Variants in LAMA2 observed in about 807,000 individuals in gnomAD.
LAMA2 encodes laminin subunit alpha 2.
In LAMA2, 269 loss-of-function variants were observed where a neutral mutation model predicts 364.8. The ratio of observed to expected loss-of-function variants is 0.74; its 90% CI spans 0.67 to 0.82. The LOEUF (loss-of-function observed/expected upper bound fraction) is 0.82. LAMA2 is among the 40% of genes least tolerant of loss of function. LAMA2 has a pLI of 0.00. For missense variants in LAMA2, 3,807 were observed against 3,873.2 expected (o/e 0.98, Z 0.45); for synonymous variants, 1,379 against 1,370.6 (o/e 1.01, Z -0.14).
chr6:129,285,547 A>T (rs941579073), intron 18 of LAMA2, among the ~76,000 whole-genome samples: 8 of 152,252 alleles, frequency 5.3e-5, no homozygotes, highest in Admixed American at 2.0e-4. Flanking sequence ...GCAGTAACTC[A>T]TCTTGAGGAA....
chr6:129,219,922 A>G (rs1363248852), intron 12 of LAMA2, among the ~76,000 whole-genome samples: 2 of 151,682 alleles, frequency 1.3e-5, no homozygotes, highest in South Asian at 2.1e-4. Context: ...ATACATATGT[A>G]ACTAACTGGC....
intron 58 of LAMA2, among the ~76,000 whole-genome samples, chr6:129,498,958 C>T (rs1038677613): frequency 2.6e-5 from 4 of 152,164 alleles, no homozygotes; most frequent in East Asian, 3.8e-4. Flanking sequence ...GTTTTGGCCC[C>T]GTTACCAATT....
chr6:128,915,519 T>C (rs1235826463), intron 1 of LAMA2, among the ~76,000 whole-genome samples: 11 of 152,214 alleles, frequency 7.2e-5, no homozygotes, highest in Non-Finnish European at 1.3e-4. Flanking sequence ...ACCAGCAGTT[T>C]ACCACAAGCC....
chr6:129,281,950 T>G (rs543723319), intron 18 of LAMA2, among the ~76,000 whole-genome samples: 1 of 152,160 alleles, frequency 6.6e-6, no homozygotes, highest in Non-Finnish European at 1.5e-5. Context: ...GGAAACATTT[T>G]TTGTTTGAGA....
chr6:129,311,960 A>G (rs1583467877), intron 22 of LAMA2, among the ~76,000 whole-genome samples: 1 of 152,352 alleles, frequency 6.6e-6, no homozygotes, highest in Middle Eastern at 3.4e-3. Flanking sequence ...ATTGCAGAAG[A>G]CATTAGGATA....
Position 129,157,421 on chromosome 6 carries a change from T to C in LAMA2, c.1206+2738T>C, listed in dbSNP as rs1779178221. On this transcript the variant is annotated intron_variant, in intron 8 of 64. Transcript: ENST00000421865. ...CTGTGAACACGTAGTGAAGAAAGAG[T>C]CTGAGAACCAAGTTAACATCCTTAT... 5 of 1,388,496 alleles carry C rather than the reference T, an allele frequency of 3.6e-6. No individual in the cohort carries two copies. In the East Asian group the frequency reaches 1.1e-4, roughly 32 times the overall value. The allele number at this position is 1,388,496 out of a possible 1,614,324, so 86.0% of individuals were successfully genotyped here.
chr6:129,226,632 TTTTC>T (rs1784301272), intron 12 of LAMA2, among the ~76,000 whole-genome samples: 2 of 152,162 alleles, frequency 1.3e-5, no homozygotes, highest in Admixed American at 1.3e-4. Context: ...TTGAAAATTC[TTTTC>T]TTTAAGAATG....
At chr6:129,421,325 C>G (rs192921846) in intron 40 of LAMA2, among the ~76,000 whole-genome samples, 1 of 151,260 alleles carries the variant, frequency 6.6e-6, no homozygotes, top group Non-Finnish European at 1.5e-5. Context: ...ACTTGTATAT[C>G]CATATGTATG....
intron 3 of LAMA2, among the ~76,000 whole-genome samples, chr6:129,087,098 C>G (rs539062185): frequency 2.0e-5 from 3 of 152,242 alleles, no homozygotes; most frequent in Admixed American, 1.3e-4. Flanking sequence ...AGGTCTTTAA[C>G]TGAATCATAT....
intron 4 of LAMA2, among the ~76,000 whole-genome samples, chr6:129,108,358 G>C (rs1775953638): frequency 6.6e-6 from 1 of 152,054 alleles, no homozygotes; most frequent in African/African-American, 2.4e-5. Context: ...AATTTTTAAA[G>C]TGACTTTTTG....
intron 3 of LAMA2, among the ~76,000 whole-genome samples, chr6:129,076,305 A>C (rs1773627629): frequency 6.6e-6 from 1 of 151,242 alleles, no homozygotes; most frequent in Non-Finnish European, 1.5e-5. Flanking sequence ...ATCAAGAAAG[A>C]GGGAATCTTC....
chr6:129,163,171 C>G (rs148528579), intron 8 of LAMA2, among the ~76,000 whole-genome samples: 1 of 151,624 alleles, frequency 6.6e-6, no homozygotes, highest in African/African-American at 2.4e-5. Flanking sequence ...GTTTTTCCTT[C>G]TCTTTCTAGG....
intron 1 of LAMA2, among the ~76,000 whole-genome samples, chr6:128,933,133 A>G (rs372114394): frequency 2.0e-5 from 3 of 152,122 alleles, no homozygotes; most frequent in African/African-American, 7.2e-5. Context: ...ACCTAGCACA[A>G]TGCCCTTCAG....
chr6:129,164,824 C>T (rs1161212424), intron 8 of LAMA2, among the ~76,000 whole-genome samples: 1 of 152,064 alleles, frequency 6.6e-6, no homozygotes, highest in Non-Finnish European at 1.5e-5. Context: ...TTGTGAATTG[C>T]AGTTTAACAG....
intron 32 of LAMA2, among the ~76,000 whole-genome samples, chr6:129,363,406 ATT>A (rs1161970888): frequency 1.3e-5 from 2 of 151,626 alleles, no homozygotes; most frequent in Non-Finnish European, 2.9e-5. Context: ...AGGCATCTGT[ATT>A]TTATAAATGT....
chr6:129,209,783 A>T (rs952767967), intron 12 of LAMA2, among the ~76,000 whole-genome samples: 1 of 151,738 alleles, frequency 6.6e-6, no homozygotes, highest in Non-Finnish European at 1.5e-5. Flanking sequence ...GCGGGCGGAT[A>T]ACGAGGTCAG....
chr6:128,883,180 G>T lies in LAMA2; in HGVS notation c.-66G>T. 1 of 1,453,676 alleles carries T rather than the reference G, an allele frequency of 6.9e-7. No homozygotes were observed. The highest frequency in any genetic ancestry group is 9.4e-7 in the Non-Finnish European group (1 of 1,067,024). The allele number at this position is 1,453,676 out of a possible 1,614,324, so 90.0% of individuals were successfully genotyped here. A position where few individuals can be genotyped will look rare whatever the true frequency, so the allele number is the denominator to read the frequency against. On this transcript the variant is annotated 5_prime_UTR_variant, in exon 1 of 65. Coordinates refer to ENST00000421865, the MANE Select transcript of LAMA2 (RefSeq NM_000426.4). Reference sequence around the variant, plus strand: ...CTGCTCGCTCAGCTCACAAGCCAAGGCCAGGGGACAGGGCGGCAGCGACTC... The same window carrying T: ...CTGCTCGCTCAGCTCACAAGCCAAGTCCAGGGGACAGGGCGGCAGCGACTC...
chr6:129,006,934 T>G lies in LAMA2; in HGVS notation c.113-42984T>G, dbSNP rs149448324. ...TCTCTTCTCCTAAACCTCACCATATTTGCATGGGTAACATGTCCTCACCTT... is the reference window on the plus strand; with the variant it reads ...TCTCTTCTCCTAAACCTCACCATATGTGCATGGGTAACATGTCCTCACCTT... On this transcript the variant is annotated intron_variant, in intron 1 of 64. Coordinates refer to ENST00000421865, the MANE Select transcript of LAMA2 (RefSeq NM_000426.4). 1.9e-3 allele frequency among the ~76,000 whole-genome samples: 282 copies of G among 152,210 alleles called. 2 individuals are homozygous for G. The highest frequency in any genetic ancestry group is 6.5e-3 in the African/African-American group (268 of 41,540).
At position 129,139,661 on chromosome 6, in the gene LAMA2, T is replaced by A. The variant is rs376897100; in HGVS notation, c.640-4240T>A. 6.0e-3 allele frequency among the ~76,000 whole-genome samples: 912 copies of A among 152,124 alleles called. 7 individuals carry two copies. Among genetic ancestry groups the A allele is most frequent in the African/African-American group, 0.021 (873 of 41,524 alleles). ...TACTTCTTTTTTTACACAGTCAAAA[T>A]AAAAGAGATTAGGCTTGTTTTTGTT... On this transcript the variant is annotated intron_variant, in intron 4 of 64. Coordinates refer to ENST00000421865, the MANE Select transcript of LAMA2 (RefSeq NM_000426.4).
Sources: gnomAD v4.1 joint callset for allele counts (sites outside exome capture counted in the v4.1 genomes callset) on GRCh38, gnomAD v4.1.1 for gene constraint, MANE v1.5 for transcripts, NCBI Gene and HGNC (gene_info 2026-07-23, HGNC 2026-07-21) for gene names.